GFM2: variants seen among roughly 807,000 people sequenced by gnomAD.
GFM2 encodes ribosome-releasing factor 2, mitochondrial.
In GFM2, 72 loss-of-function variants were observed where a neutral mutation model predicts 95.4. The ratio of observed to expected loss-of-function variants is 0.76; its 90% CI spans 0.62 to 0.92. The LOEUF is 0.92. GFM2 is among the 40% of genes least tolerant of loss of function. GFM2 has a pLI of 0.00. For missense variants in GFM2, 825 were observed against 924.1 expected (o/e 0.89, Z 1.39); for synonymous variants, 276 against 317.5 (o/e 0.87, Z 1.39).
At chr5:74,759,347 A>G (rs1744163049) in intron 4 of GFM2, 22 bp downstream of exon 4, 2 of 1,367,316 alleles carry the variant, frequency 1.5e-6, no homozygotes, top group Non-Finnish European at 2.1e-6. Flanking sequence ...ATGGAAAAGC[A>G]TGATATAATG....
chr5:74,751,243 G>A (rs1743688978), intron 6 of GFM2, 125 bp downstream of exon 6: 1 of 848,822 alleles, frequency 1.2e-6, no homozygotes, highest in South Asian at 1.7e-5. Context: ...ACTTAAAAAT[G>A]GTTGAGATGG....
At chr5:74,762,703 G>A (rs1392201164) in intron 2 of GFM2, among the ~76,000 whole-genome samples, 1 of 152,190 alleles carries the variant, frequency 6.6e-6, no homozygotes, top group Non-Finnish European at 1.5e-5. Flanking sequence ...AAGCACTGCA[G>A]TATCACAACA....
At chr5:74,750,794 G>A in intron 6 of GFM2, 127 bp from the exon 7 acceptor site, 1 of 651,016 alleles carries the variant, frequency 1.5e-6, no homozygotes, top group East Asian at 2.9e-5. Context: ...TAAAGGTATT[G>A]AAAGCAGAGT....
intron 4 of GFM2, 39 bp downstream of exon 4, chr5:74,759,330 A>G (rs747659241): frequency 1.7e-6 from 2 of 1,188,554 alleles, no homozygotes; most frequent in Non-Finnish European, 2.4e-6. Context: ...AATTTTCGTG[A>G]CAGTCTATGG....
chr5:74,763,588 G>T, intron 2 of GFM2, 92 bp downstream of exon 2: 2 of 659,302 alleles, frequency 3.0e-6, no homozygotes, highest in South Asian at 2.1e-5. Flanking sequence ...AACTAAATTT[G>T]GAATCAACAG....
At chr5:74,759,450 G>A in intron 3 of GFM2, 24 bp from the exon 4 acceptor site, 1 of 1,254,380 alleles carries the variant, frequency 8.0e-7, no homozygotes. Flanking sequence ...AGTTAAAATT[G>A]AACTGTTACA....
intron 14 of GFM2, among the ~76,000 whole-genome samples, chr5:74,737,641 T>A (rs1742900984): frequency 6.6e-6 from 1 of 152,134 alleles, no homozygotes; most frequent in Non-Finnish European, 1.5e-5. Context: ...CTATAGGAAT[T>A]TTCTACTGAA....
intron 8 of GFM2, 79 bp from the exon 9 acceptor site, chr5:74,746,244 T>C (rs1394769843): frequency 1.2e-5 from 8 of 685,816 alleles, no homozygotes; most frequent in Admixed American, 3.8e-5. Context: ...GAAAAAAAAC[T>C]CTTTCAGGTT....
intron 5 of GFM2, among the ~76,000 whole-genome samples, chr5:74,754,414 A>G (rs1237657162): frequency 6.6e-6 from 1 of 152,144 alleles, no homozygotes; most frequent in Non-Finnish European, 1.5e-5. Context: ...CTTAAAAGAT[A>G]AAGAATGGTA....
At chr5:74,756,786 T>G (rs1411165347) in intron 5 of GFM2, among the ~76,000 whole-genome samples, 1 of 152,146 alleles carries the variant, frequency 6.6e-6, no homozygotes, top group Non-Finnish European at 1.5e-5. Context: ...CGGATGGAAT[T>G]GGAGGCCAGG....
intron 5 of GFM2, among the ~76,000 whole-genome samples, chr5:74,752,146 CAAGT>C (rs1272936341): frequency 1.3e-5 from 2 of 152,112 alleles, no homozygotes; most frequent in African/African-American, 4.8e-5. Flanking sequence ...TGTACAAGTG[CAAGT>C]AGTCTCATAC....
At chr5:74,730,133 C>T (rs764153533) in intron 17 of GFM2, 127 bp downstream of exon 17, 50 of 850,692 alleles carry the variant, frequency 5.9e-5, no homozygotes, top group Non-Finnish European at 5.5e-5. Context: ...AAAAAAACCC[C>T]ACATACATAA....
intron 12 of GFM2, among the ~76,000 whole-genome samples, chr5:74,739,239 C>T (rs1308171527): frequency 6.6e-6 from 1 of 152,164 alleles, no homozygotes. Flanking sequence ...TATGACAGAA[C>T]TTCTCCAATC....
Position 74,722,365 on chromosome 5 carries a change from T to G in GFM2, c.2211+14A>C. On this transcript the variant is annotated intron_variant, in intron 20 of 20. Transcript: ENST00000296805. Reference sequence around the variant, plus strand: ...TTAAGAAGAATATGTACTTTTCAGTTACAAAGTACCTACCATAATTTCTGC... The same window carrying G: ...TTAAGAAGAATATGTACTTTTCAGTGACAAAGTACCTACCATAATTTCTGC... The G allele has an allele frequency of 2.5e-6, 4 of 1,607,288 alleles. No individual in the cohort carries two copies. The highest frequency in any genetic ancestry group is 3.4e-6 in the Non-Finnish European group (4 of 1,175,044).
At position 74,755,868 on chromosome 5, in the gene GFM2, A is replaced by G. The variant is rs139021791; in HGVS notation, c.304+2981T>C. Among the ~76,000 whole-genome samples, 30 of 152,304 alleles carry G rather than the reference A, an allele frequency of 2.0e-4. No individual in the cohort carries two copies. The East Asian group carries it at 5.8e-3, about 29-fold the overall frequency. ...CCCTAAATCATTCTATGAAGCCAGT[A>G]TCACCGTAATACCAAAAGCAGGAAA... On this transcript the variant is annotated intron_variant, in intron 5 of 20. Transcript: ENST00000296805.
chr5:74,728,348 C>T (rs1254556268), intron 17 of GFM2, among the ~76,000 whole-genome samples: 2 of 150,028 alleles, frequency 1.3e-5, no homozygotes, highest in African/African-American at 2.4e-5. Flanking sequence ...CCAAGAAAAT[C>T]GTAAGAGAAA....
chr5:74,764,083 G>A (rs985238035), intron 1 of GFM2, among the ~76,000 whole-genome samples: 1 of 152,152 alleles, frequency 6.6e-6, no homozygotes, highest in African/African-American at 2.4e-5. Flanking sequence ...GCATTGTTAT[G>A]TAAATGTATA....
chr5:74,740,200 A>C (rs766359850), intron 11 of GFM2, 63 bp from the exon 12 acceptor site: 8 of 1,432,308 alleles, frequency 5.6e-6, no homozygotes, highest in Non-Finnish European at 7.6e-6. Context: ...GAAGCTCAAA[A>C]TTAGAGGTTT....
chr5:74,730,530 C>G (rs1033866398), intron 16 of GFM2, 132 bp from the exon 17 acceptor site: 4 of 577,138 alleles, frequency 6.9e-6, no homozygotes, highest in Middle Eastern at 1.0e-3. Context: ...CTTTTTGGCC[C>G]GGGGCTTTTA....
Sources: gnomAD v4.1 joint callset for allele counts (sites outside exome capture counted in the v4.1 genomes callset) on GRCh38, gnomAD v4.1.1 for gene constraint, MANE v1.5 for transcripts, NCBI Gene and HGNC (gene_info 2026-07-23, HGNC 2026-07-21) for gene names.